Variants in STAT5B observed in about 807,000 individuals in gnomAD.
STAT5B encodes signal transducer and activator of transcription 5B.
STAT5B carries 21 observed loss-of-function variants against 107.8 expected under a neutral mutation model. The ratio of observed to expected loss-of-function variants is 0.19; its 90% CI spans 0.14 to 0.28. The LOEUF (loss-of-function observed/expected upper bound fraction) is 0.28, where lower values mean the gene tolerates loss of function less well. Ranked by LOEUF, STAT5B falls within the 10% of genes least tolerant of loss-of-function variation. The pLI is 1.00. For synonymous variants in STAT5B, 325 were observed against 401.7 expected (o/e 0.81, Z 2.28); for missense variants, 565 against 1,008.2 (o/e 0.56, Z 5.95).
rs1325904557 is a variant in STAT5B, at chr17:42,217,953, A to C, written c.1169+198T>G. 94 of 857,266 alleles carry C rather than the reference A, an allele frequency of 1.1e-4. 3 individuals carry two copies. The South Asian group carries it at 1.5e-3, about 14-fold the overall frequency. The allele number at this position is 857,266 out of a possible 1,614,324, so 53.1% of individuals were successfully genotyped here. The stretch of plus-strand genomic sequence containing the variant: ...ACTCCTGACCTCAGGTGATCTGCCC[A>C]CCTCGGCCTCTTAAAGTGCTTGGAT... On this transcript the variant is annotated intron_variant, in intron 9 of 18. Transcript: ENST00000293328.
chr17:42,205,559 T>C (rs1453139640), intron 16 of STAT5B, among the ~76,000 whole-genome samples: 3 of 152,188 alleles, frequency 2.0e-5, no homozygotes, highest in South Asian at 2.1e-4. Context: ...TGGCATACAA[T>C]GTTTTTCTCT....
chr17:42,218,920 T>C, intron 7 of STAT5B, 42 bp from the exon 8 acceptor site: 3 of 1,613,758 alleles, frequency 1.9e-6, no homozygotes, highest in Middle Eastern at 1.7e-4. Flanking sequence ...CAATGGCTCC[T>C]CCGCACAGAC....
At position 42,268,584 on chromosome 17, in the gene STAT5B, C is replaced by A. The variant is rs1419024325; in HGVS notation, c.-11+7664G>T. ...TCCTTACATATTAAACCTTCCATGC[C>A]TTCGGAATAAGAATCTAGTATCCAG... On this transcript the variant is annotated intron_variant, in intron 1 of 18. Coordinates refer to ENST00000293328, the MANE Select transcript of STAT5B (RefSeq NM_012448.4). The A allele has an allele frequency of 2.0e-5, 3 of 152,014 alleles. No homozygotes were observed. The East Asian group carries it at 5.8e-4, about 29-fold the overall frequency. The allele number at this position is 152,014 out of a possible 1,614,324, so 9.4% of individuals were successfully genotyped here.
At chr17:42,259,229 T>C (rs967575295) in intron 1 of STAT5B, among the ~76,000 whole-genome samples, 2 of 152,166 alleles carry the variant, frequency 1.3e-5, no homozygotes, top group Admixed American at 6.5e-5. Flanking sequence ...TTGAAACTCT[T>C]GGGCTCAAGC....
At chr17:42,271,437 A>G (rs1318796330) in intron 1 of STAT5B, 1 of 152,246 alleles carries the variant, frequency 6.6e-6, no homozygotes, top group Non-Finnish European at 1.5e-5. Flanking sequence ...GAAAGTTTTC[A>G]TATTTTCTGA....
intron 12 of STAT5B, 82 bp from the exon 13 acceptor site, chr17:42,212,272 G>C: frequency 1.2e-6 from 2 of 1,602,762 alleles, no homozygotes; most frequent in Non-Finnish European, 1.7e-6. Context: ...AAACGCTGAT[G>C]GCTGGGAGTG....
At chr17:42,210,095 C>T (rs1346176117) in intron 15 of STAT5B, 76 bp downstream of exon 15, 3 of 1,600,898 alleles carry the variant, frequency 1.9e-6, no homozygotes, top group African/African-American at 1.3e-5. Flanking sequence ...ATAGTAAGTA[C>T]CCACTAAATT....
At chr17:42,227,462 A>C in intron 3 of STAT5B, 67 bp downstream of exon 3, 2 of 1,606,960 alleles carry the variant, frequency 1.2e-6, no homozygotes, top group Non-Finnish European at 1.7e-6. Context: ...GGAGAGAAAG[A>C]AAGTCTCTAC....
At chr17:42,240,634 A>G (rs2080394236) in intron 1 of STAT5B, among the ~76,000 whole-genome samples, 1 of 152,198 alleles carries the variant, frequency 6.6e-6, no homozygotes, top group African/African-American at 2.4e-5. Context: ...ATTATATCTC[A>G]GTAAAGCTAT....
In STAT5B at chr17:42,217,111, C is replaced by CCACACA. The variant is rs142589260; in HGVS notation, c.1380+43_1380+48dup. The CCACACA allele has an allele frequency of 3.2e-6, 5 of 1,564,248 alleles. No homozygotes were observed. The African/African-American group carries it at 4.1e-5, about 13-fold the overall frequency. On this transcript the variant is annotated intron_variant, in intron 11 of 18. Transcript: ENST00000293328. ...AAAATATTTTGTAACATAAAGTACA[C>CCACACA]CACACACACACACGCACACGCACAC...
At chr17:42,217,511 G>A (rs746668611) in intron 9 of STAT5B, 47 bp from the exon 10 acceptor site, 1 of 1,600,970 alleles carries the variant, frequency 6.2e-7, no homozygotes, top group East Asian at 2.2e-5. Flanking sequence ...CAGGGTCTCA[G>A]GACATGCGGA....
chr17:42,228,727 T>C (rs2080294283), intron 2 of STAT5B, among the ~76,000 whole-genome samples: 1 of 151,712 alleles, frequency 6.6e-6, no homozygotes, highest in South Asian at 2.1e-4. Flanking sequence ...AGCTCAGGAG[T>C]TGGAGATCAG....
At chr17:42,203,570 C>T (rs988028233) in intron 16 of STAT5B, among the ~76,000 whole-genome samples, 1 of 152,136 alleles carries the variant, frequency 6.6e-6, no homozygotes. Context: ...CTAAGTAGAA[C>T]TGCCAGGAAA....
intron 1 of STAT5B, among the ~76,000 whole-genome samples, chr17:42,237,249 A>T (rs2080364329): frequency 6.6e-6 from 1 of 152,206 alleles, no homozygotes; most frequent in African/African-American, 2.4e-5. Flanking sequence ...GCACTTGTTA[A>T]TAAAAGTTTC....
intron 1 of STAT5B, among the ~76,000 whole-genome samples, chr17:42,236,138 T>C (rs561553496): frequency 1.4e-4 from 22 of 152,322 alleles, no homozygotes; most frequent in African/African-American, 5.3e-4. Flanking sequence ...TGAAGGATAA[T>C]AGCTGGTAAA....
At chr17:42,260,357 T>C (rs1326546379) in intron 1 of STAT5B, among the ~76,000 whole-genome samples, 1 of 152,150 alleles carries the variant, frequency 6.6e-6, no homozygotes, top group African/African-American at 2.4e-5. Flanking sequence ...TTTTGAAGCA[T>C]TCGTACAAAA....
intron 15 of STAT5B, 91 bp from the exon 16 acceptor site, chr17:42,207,819 C>A: frequency 7.5e-7 from 1 of 1,338,828 alleles, no homozygotes; most frequent in Non-Finnish European, 1.1e-6. Context: ...TCAAGCTTGC[C>A]ATTATAATGG....
chr17:42,256,026 T>C (rs1170412493), intron 1 of STAT5B, among the ~76,000 whole-genome samples: 2 of 151,998 alleles, frequency 1.3e-5, no homozygotes, highest in Non-Finnish European at 2.9e-5. Flanking sequence ...AGGTGAAGGT[T>C]GCAATGAGCT....
chr17:42,261,124 G>A (rs965083661), intron 1 of STAT5B, among the ~76,000 whole-genome samples: 5 of 152,024 alleles, frequency 3.3e-5, no homozygotes, highest in African/African-American at 1.2e-4. Context: ...GGCCAGGCTG[G>A]TCTCGACCTC....
Sources: gnomAD v4.1 joint callset for allele counts (sites outside exome capture counted in the v4.1 genomes callset) on GRCh38, gnomAD v4.1.1 for gene constraint, MANE v1.5 for transcripts, NCBI Gene and HGNC (gene_info 2026-07-23, HGNC 2026-07-21) for gene names.